The following TSNARE1 variants were observed in gnomAD, a reference collection of about 807,000 sequenced individuals.
The protein encoded by TSNARE1 is t-SNARE domain-containing protein 1.
TSNARE1 carries 49 observed loss-of-function variants against 62.0 expected under a neutral mutation model. The ratio of observed to expected loss-of-function variants is 0.79; its 90% confidence interval spans 0.63 to 1.00. The LOEUF is 1.00. TSNARE1 is among the 50% of genes least tolerant of loss of function. TSNARE1 has a pLI of 0.00. For missense variants in TSNARE1, 755 were observed against 700.1 expected (o/e 1.08, Z -0.88); for synonymous variants, 328 against 294.4 (o/e 1.11, Z -1.17).
chr8:142,386,440 G>A (rs1837117061), intron 1 of TSNARE1, among the ~76,000 whole-genome samples: 1 of 151,934 alleles, frequency 6.6e-6, no homozygotes, highest in South Asian at 2.1e-4. Flanking sequence ...ATGGACCACA[G>A]AGTAAAAGAC....
At chr8:142,302,407 G>A (rs913245166) in intron 9 of TSNARE1, among the ~76,000 whole-genome samples, 3 of 152,140 alleles carry the variant, frequency 2.0e-5, no homozygotes, top group Admixed American at 6.5e-5. Flanking sequence ...TGCCGGTCCC[G>A]ATGCCTCGGG....
chr8:142,223,929 C>T (rs1050006430), intron 13 of TSNARE1, among the ~76,000 whole-genome samples: 11 of 22,032 alleles, frequency 5.0e-4, no homozygotes, highest in Admixed American at 2.5e-3. Flanking sequence ...GACAATGCCA[C>T]GTCCTGGCCA....
chr8:142,289,870 G>A (rs1209444350), intron 10 of TSNARE1, among the ~76,000 whole-genome samples: 1 of 152,244 alleles, frequency 6.6e-6, no homozygotes, highest in Non-Finnish European at 1.5e-5. Flanking sequence ...GGCAGGCGCA[G>A]TGGGGCTGGG....
At position 142,318,543 on chromosome 8, in the gene TSNARE1, C is replaced by A; in HGVS notation, c.984+1G>T. ...CCCAGCCCCAGACCCCAGGAACATACCGGGCAGGAGCTGCGCAGCAGCTCG... is the reference window on the plus strand; with the variant it reads ...CCCAGCCCCAGACCCCAGGAACATAACGGGCAGGAGCTGCGCAGCAGCTCG... On this transcript the variant is annotated splice_donor_variant, in intron 7 of 13. Coordinates refer to ENST00000524325, the MANE Select transcript of TSNARE1 (RefSeq NM_145003.5). LOFTEE classifies it high-confidence loss of function. 1 of 1,612,316 alleles carries A rather than the reference C, an allele frequency of 6.2e-7. No individual in the cohort carries two copies. The highest frequency in any genetic ancestry group is 1.7e-5 in the Admixed American group (1 of 60,006).
intron 1 of TSNARE1, among the ~76,000 whole-genome samples, chr8:142,373,273 C>T (rs11984886): frequency 0.022 from 3,402 of 152,292 alleles, 114 homozygotes; most frequent in South Asian, 0.077. Context: ...ACCTGGGCTA[C>T]GGCCATGGGA....
At chr8:142,315,510 G>A (rs954064121) in intron 7 of TSNARE1, among the ~76,000 whole-genome samples, 3 of 152,230 alleles carry the variant, frequency 2.0e-5, no homozygotes, top group South Asian at 2.1e-4. Context: ...TGGGCTCCCC[G>A]TGGCCTCCAG....
At chr8:142,354,834 C>T (rs1457520665) in intron 1 of TSNARE1, 71 bp from the exon 2 acceptor site, 6 of 869,580 alleles carry the variant, frequency 6.9e-6, no homozygotes, top group African/African-American at 1.7e-5. Context: ...TCAGGGTGCA[C>T]AGGGGCCGCC....
At position 142,300,593 on chromosome 8, in the gene TSNARE1, C is replaced by T. The variant is rs146867560; in HGVS notation, c.1183G>A (p.Gly395Arg). 2.7e-5 allele frequency: 44 copies of T among 1,613,710 alleles called. No homozygotes were observed. Among genetic ancestry groups the T allele is most frequent in the Middle Eastern group, 1.6e-4 (1 of 6,062 alleles). The change falls in exon 10 of 14, where the codon GGG (glycine) becomes AGG (arginine). Residue 395 changes from glycine to arginine, a missense_variant. Transcript: ENST00000524325. ...ELADDEKVFN[G>R]SDNMWQGQEQ... is the part of the protein sequence containing the mutation. ...TGGCCCTGCCACATGTTGTCACTCCCGTTAAAGACCTTCTCATCATCAGCC... is the reference window on the plus strand; with the variant it reads ...TGGCCCTGCCACATGTTGTCACTCCTGTTAAAGACCTTCTCATCATCAGCC...
At chr8:142,281,176 G>A (rs1054776299) in intron 11 of TSNARE1, among the ~76,000 whole-genome samples, 4 of 152,088 alleles carry the variant, frequency 2.6e-5, no homozygotes, top group Non-Finnish European at 4.4e-5. Flanking sequence ...TGGGTGGGGT[G>A]GAGCCTGAGA....
intron 12 of TSNARE1, among the ~76,000 whole-genome samples, chr8:142,237,781 C>A (rs1413946858): frequency 6.6e-6 from 1 of 152,220 alleles, no homozygotes; most frequent in African/African-American, 2.4e-5. Context: ...GGCCCATGAG[C>A]TGGATCTCTC....
chr8:142,305,242 G>A (rs1320090980), intron 9 of TSNARE1, among the ~76,000 whole-genome samples: 3 of 152,170 alleles, frequency 2.0e-5, no homozygotes, highest in African/African-American at 4.8e-5. Context: ...TGTGGGCAGA[G>A]GGTGCCAGGC....
At chr8:142,269,576 G>T (rs186408876) in intron 12 of TSNARE1, 86 of 983,992 alleles carry the variant, frequency 8.7e-5, no homozygotes, top group Non-Finnish European at 1.0e-4. Flanking sequence ...TGATCTTCCT[G>T]CCTCAGCCTC....
intron 11 of TSNARE1, among the ~76,000 whole-genome samples, chr8:142,283,121 T>C (rs1821943576): frequency 6.7e-6 from 1 of 148,236 alleles, no homozygotes; most frequent in Admixed American, 6.7e-5. Context: ...TGTCTGTCAA[T>C]GAGCAGAGGC....
chr8:142,358,454 G>T (rs1257297464), intron 1 of TSNARE1, among the ~76,000 whole-genome samples: 1 of 151,370 alleles, frequency 6.6e-6, no homozygotes, highest in Non-Finnish European at 1.5e-5. Context: ...CCCCTGGGGG[G>T]ACTGGAAGGC....
intron 1 of TSNARE1, among the ~76,000 whole-genome samples, chr8:142,375,992 C>G (rs975542483): frequency 6.6e-6 from 1 of 152,142 alleles, no homozygotes; most frequent in Non-Finnish European, 1.5e-5. Flanking sequence ...ACAACAGAGG[C>G]CCCTGTGCTG....
At chr8:142,227,021 C>CAGGAA (rs1816827804) in intron 13 of TSNARE1, among the ~76,000 whole-genome samples, 1 of 132,472 alleles carries the variant, frequency 7.5e-6, no homozygotes, top group Admixed American at 7.1e-5. Flanking sequence ...ACAGCCAAGC[C>CAGGAA]CCCCACTGCA....
At chr8:142,251,436 C>T (rs1046764772) in intron 12 of TSNARE1, among the ~76,000 whole-genome samples, 1 of 151,960 alleles carries the variant, frequency 6.6e-6, no homozygotes, top group Non-Finnish European at 1.5e-5. Flanking sequence ...TCATGCCCCT[C>T]CTGCAGCATC....
chr8:142,241,135 C>T (rs1316308924), intron 12 of TSNARE1, among the ~76,000 whole-genome samples: 1 of 152,206 alleles, frequency 6.6e-6, no homozygotes, highest in African/African-American at 2.4e-5. Context: ...GGACTCCACA[C>T]AAAACCTGTC....
intron 3 of TSNARE1, 123 bp from the exon 4 acceptor site, chr8:142,344,595 G>GAA: frequency 1.9e-6 from 2 of 1,054,750 alleles, no homozygotes; most frequent in Non-Finnish European, 2.6e-6. Flanking sequence ...GCCTGGTCCT[G>GAA]GCCACCACCC....
Sources: allele counts gnomAD v4.1 joint callset (sites outside exome capture counted in the v4.1 genomes callset), GRCh38; gene constraint gnomAD v4.1.1; transcripts MANE v1.5; gene names NCBI Gene and HGNC (gene_info 2026-07-23, HGNC 2026-07-21).